The following ADCY9 variants were observed in gnomAD, a reference collection of about 807,000 sequenced individuals.
ADCY9 encodes the protein adenylate cyclase type 9.
A neutral mutation model predicts 101.5 loss-of-function variants in ADCY9; 50 were observed. That is an observed-to-expected ratio of 0.49 (90% confidence interval 0.39 to 0.62). The LOEUF (loss-of-function observed/expected upper bound fraction) is 0.62, where lower values mean the gene tolerates loss of function less well. Among genes scored for constraint, ADCY9 ranks in the 20% least tolerant of loss-of-function variants. The pLI, the probability that ADCY9 is intolerant of heterozygous loss-of-function variation, is 0.00. For synonymous variants in ADCY9, 905 were observed against 769.3 expected, an observed-to-expected ratio of 1.18 and a Z score of -2.92; for missense variants, 1,662 against 1,800.4, an observed-to-expected ratio of 0.92 and a Z score of 1.39.
intron 2 of ADCY9, among the ~76,000 whole-genome samples, chr16:4,069,482 G>A (rs1371174589): frequency 6.6e-6 from 1 of 151,222 alleles, no homozygotes; most frequent in African/African-American, 2.4e-5. Flanking sequence ...TGACAGAGTG[G>A]GGCTTCAACA....
intron 3 of ADCY9, among the ~76,000 whole-genome samples, chr16:4,000,966 T>A (rs1362985710): frequency 7.5e-4 from 27 of 36,040 alleles, no homozygotes; most frequent in Admixed American, 4.1e-3. Flanking sequence ...CATCCCTCTC[T>A]CTACACACAC....
intron 6 of ADCY9, among the ~76,000 whole-genome samples, chr16:3,986,590 T>G (rs942539581): frequency 1.3e-5 from 2 of 152,200 alleles, no homozygotes; most frequent in African/African-American, 4.8e-5. Context: ...CCCAAGTAGC[T>G]GGGATTACAG....
At chr16:4,107,123 G>A (rs558779925) in intron 2 of ADCY9, among the ~76,000 whole-genome samples, 1 of 152,342 alleles carries the variant, frequency 6.6e-6, no homozygotes, top group Admixed American at 6.5e-5. Flanking sequence ...ACTGGGGGCA[G>A]CTTGAGTGTC....
chr16:4,051,092 A>G (rs2056698303), intron 2 of ADCY9, among the ~76,000 whole-genome samples: 2 of 152,128 alleles, frequency 1.3e-5, no homozygotes, highest in African/African-American at 2.4e-5. Flanking sequence ...GCACGCCTGT[A>G]ATCCCAGCTA....
At chr16:4,038,285 A>AG (rs890970718) in intron 2 of ADCY9, among the ~76,000 whole-genome samples, 2 of 151,872 alleles carry the variant, frequency 1.3e-5, no homozygotes, top group African/African-American at 4.8e-5. Flanking sequence ...TGTCTCAAAA[A>AG]AAAAAAAAAA....
At chr16:4,017,266 A>T (rs902495229) in intron 2 of ADCY9, among the ~76,000 whole-genome samples, 2 of 150,432 alleles carry the variant, frequency 1.3e-5, no homozygotes, top group Non-Finnish European at 3.0e-5. Flanking sequence ...GAAATAAAAT[A>T]AAGCTGGGAA....
chr16:3,957,595 G>C (rs1371233651), intron 5 of ADCY9, among the ~76,000 whole-genome samples: 6 of 152,268 alleles, frequency 3.9e-5, no homozygotes, highest in South Asian at 4.1e-4. Context: ...AAATGTCCTA[G>C]AGACGCAGAA....
chr16:4,082,308 G>T (rs138415078), intron 2 of ADCY9, among the ~76,000 whole-genome samples: 1,764 of 152,210 alleles, frequency 0.012, 36 homozygotes, highest in African/African-American at 0.04. Flanking sequence ...GAGCCCAGGA[G>T]ATCAAGGCTA....
At chr16:3,974,472 A>G (rs1214725665) in intron 10 of ADCY9, among the ~76,000 whole-genome samples, 197 bp downstream of exon 10, 1 of 152,246 alleles carries the variant, frequency 6.6e-6, no homozygotes, top group Admixed American at 6.5e-5. Context: ...AAAATAATAA[A>G]ACTAATTTTA....
chr16:4,063,743 C>T (rs1355629837), intron 2 of ADCY9, among the ~76,000 whole-genome samples: 4 of 150,990 alleles, frequency 2.6e-5, no homozygotes, highest in Non-Finnish European at 5.9e-5. Flanking sequence ...GAGTTTCCAC[C>T]TTAAGAAACT....
intron 10 of ADCY9, among the ~76,000 whole-genome samples, chr16:3,969,717 C>T (rs571667430): frequency 6.1e-4 from 90 of 146,588 alleles, no homozygotes; most frequent in African/African-American, 2.1e-3. Flanking sequence ...CAGGCTAAAG[C>T]GATCCTCCCG....
intron 2 of ADCY9, among the ~76,000 whole-genome samples, chr16:4,023,110 G>A (rs1355112631): frequency 6.6e-6 from 1 of 152,234 alleles, no homozygotes; most frequent in African/African-American, 2.4e-5. Flanking sequence ...TCATTTCTCT[G>A]GAGGGTGAAT....
intron 3 of ADCY9, among the ~76,000 whole-genome samples, chr16:4,001,826 T>C (rs2056333449): frequency 6.6e-6 from 1 of 151,728 alleles, no homozygotes; most frequent in Non-Finnish European, 1.5e-5. Flanking sequence ...CTCAGCTCAC[T>C]GCAACCTCCG....
At chr16:3,972,305 C>A (rs1005627459) in intron 10 of ADCY9, among the ~76,000 whole-genome samples, 7 of 151,620 alleles carry the variant, frequency 4.6e-5, no homozygotes, top group Non-Finnish European at 1.0e-4. Flanking sequence ...TCTAGGCTCA[C>A]TGCAACCTCT....
intron 2 of ADCY9, among the ~76,000 whole-genome samples, chr16:4,009,988 G>T (rs948755161): frequency 3.9e-5 from 6 of 152,240 alleles, no homozygotes; most frequent in Non-Finnish European, 8.8e-5. Flanking sequence ...TGTGACTGTG[G>T]ATGGCCACTC....
intron 10 of ADCY9, among the ~76,000 whole-genome samples, chr16:3,968,279 T>C (rs1326731505): frequency 2.0e-5 from 3 of 151,972 alleles, no homozygotes; most frequent in Admixed American, 6.6e-5. Flanking sequence ...TTCACAGACA[T>C]GTGCCACCAC....
chr16:3,993,665 C>T (rs994679667), intron 3 of ADCY9, among the ~76,000 whole-genome samples, 155 bp from the exon 4 acceptor site: 7 of 152,096 alleles, frequency 4.6e-5, no homozygotes, highest in Admixed American at 6.6e-5. Context: ...TGAAAGCCAA[C>T]GGGCAAAGTG....
At chr16:4,102,245 C>A (rs1276798764) in intron 2 of ADCY9, among the ~76,000 whole-genome samples, 1 of 152,066 alleles carries the variant, frequency 6.6e-6, no homozygotes, top group Admixed American at 6.6e-5. Flanking sequence ...GACAGAGACA[C>A]CATCATTCCT....
intron 2 of ADCY9, among the ~76,000 whole-genome samples, chr16:4,059,647 T>C (rs992492866): frequency 6.6e-6 from 1 of 151,216 alleles, no homozygotes; most frequent in Non-Finnish European, 1.5e-5. Context: ...CCTGCAATTG[T>C]AGCACTTTGG....
Sources: allele counts gnomAD v4.1 joint callset (sites outside exome capture counted in the v4.1 genomes callset), GRCh38; gene constraint gnomAD v4.1.1; transcripts MANE v1.5; gene names NCBI Gene and HGNC (gene_info 2026-07-23, HGNC 2026-07-21).